The following UTP20 variants were observed in gnomAD, a reference collection of about 807,000 sequenced individuals.
UTP20 encodes small subunit processome component 20 homolog.
A neutral mutation model predicts 329.5 loss-of-function variants in UTP20; 164 were observed. That is an observed-to-expected ratio of 0.50 (90% CI 0.44 to 0.57). UTP20 has a LOEUF of 0.57. UTP20 is among the 20% of genes least tolerant of loss of function. The pLI is 0.00. For missense variants in UTP20, 3,055 were observed against 3,284.2 expected, an observed-to-expected ratio of 0.93 and a Z score of 1.71; for synonymous variants, 1,151 against 1,159.3, an observed-to-expected ratio of 0.99 and a Z score of 0.14.
At chr12:101,288,908 T>G (rs1343295147) in intron 5 of UTP20, 52 bp from the exon 6 acceptor site, 2 of 1,485,172 alleles carry the variant, frequency 1.3e-6, no homozygotes, top group Non-Finnish European at 1.9e-6. Context: ...GTAGTATGTA[T>G]TTATTACAAT....
At chr12:101,356,889 T>C in intron 42 of UTP20, 37 bp from the exon 43 acceptor site, 1 of 1,585,278 alleles carries the variant, frequency 6.3e-7, no homozygotes, top group Non-Finnish European at 8.6e-7. Context: ...TGCTTCTGTT[T>C]ATTTGATTAG....
At chr12:101,319,025 G>A (rs1347008684) in intron 22 of UTP20, among the ~76,000 whole-genome samples, 1 of 152,046 alleles carries the variant, frequency 6.6e-6, no homozygotes, top group Non-Finnish European at 1.5e-5. Flanking sequence ...CACTTCCCAC[G>A]ATTTCAGTTA....
intron 10 of UTP20, 53 bp from the exon 11 acceptor site, chr12:101,293,115 T>A: frequency 6.4e-7 from 1 of 1,553,070 alleles, no homozygotes; most frequent in Non-Finnish European, 8.9e-7. Flanking sequence ...GCTGGGGGGA[T>A]GGGGAAAATA....
intron 55 of UTP20, 83 bp from the exon 56 acceptor site, chr12:101,375,541 T>A: frequency 6.9e-7 from 1 of 1,447,404 alleles, no homozygotes; most frequent in Non-Finnish European, 9.5e-7. Flanking sequence ...CAGAAACGGG[T>A]GGATTGATGT....
chr12:101,321,097 T>G (rs1868362454), intron 24 of UTP20, among the ~76,000 whole-genome samples, 160 bp downstream of exon 24: 1 of 152,210 alleles, frequency 6.6e-6, no homozygotes, highest in African/African-American at 2.4e-5. Flanking sequence ...AGTAGTATAT[T>G]TGTTGGGTTG....
chr12:101,342,484 GT>G lies in UTP20; in HGVS notation c.4142del (p.Leu1381Ter). ...ATATTCTGGTGACAGTACAAAACTT[GT>G]TAAAGCATTGTGTGGACCCTACAAG... is the stretch of plus-strand genomic sequence containing the variant. ...VDILVTVQNL[L>X]KHCVDPTSFL... On this transcript the variant is annotated frameshift_variant, in exon 33 of 62. Coordinates refer to ENST00000261637, the MANE Select transcript of UTP20 (RefSeq NM_014503.3). LOFTEE classifies it high-confidence loss of function. The G allele has an allele frequency of 6.2e-7, 1 of 1,611,908 alleles. No individual in the cohort carries two copies.
At position 101,295,631 on chromosome 12, in the gene UTP20, C is replaced by G. The variant is rs758986812; in HGVS notation, c.1403C>G (p.Pro468Arg). Residue 468 changes from proline (P) to arginine (R), a missense_variant, in exon 12 of 62, where the codon CCT becomes CGT. Pro to Arg is a moderately radical substitution (Grantham distance 103). This residue lies in a region of UTP20 where 2,445 missense variants were observed against 2,575.5 expected (regional missense o/e 0.95). Coordinates refer to ENST00000261637, the MANE Select transcript of UTP20 (RefSeq NM_014503.3). Reference sequence around the variant, plus strand: ...GGCTCGATGGCAATTGAAAAGTACCCTCTGGTTTTCTCACCGCAGATGGTG... The same window carrying G: ...GGCTCGATGGCAATTGAAAAGTACCGTCTGGTTTTCTCACCGCAGATGGTG... ...TAGSMAIEKY[P>R]LVFSPQMVGF... 6.8e-6 allele frequency: 11 copies of G among 1,608,720 alleles called. No individual in the cohort carries two copies. Among genetic ancestry groups the G allele is most frequent in the Admixed American group, 6.7e-5 (4 of 59,672 alleles).
chr12:101,369,382 T>C (rs1870205540), intron 48 of UTP20, among the ~76,000 whole-genome samples: 1 of 152,078 alleles, frequency 6.6e-6, no homozygotes, highest in Admixed American at 6.6e-5. Context: ...CTTGGGAGGC[T>C]GAGGCAGGAG....
intron 25 of UTP20, among the ~76,000 whole-genome samples, chr12:101,324,902 G>A (rs574308363): frequency 3.9e-4 from 59 of 151,944 alleles, no homozygotes; most frequent in Non-Finnish European, 7.5e-4. Context: ...CTTGTAGAGG[G>A]AATTTTCCAT....
rs1034122544 is a variant in UTP20, at chr12:101,291,542, A to G, written c.892-200A>G. 4.5e-3 allele frequency: 694 copies of G among 155,640 alleles called. 5 individuals are homozygous for G. The highest frequency in any genetic ancestry group is 0.023 in the African/African-American group (650 of 28,030). 9.6% of individuals were successfully genotyped at this position (155,640 alleles called of 1,614,324 possible). ...GCAATAAGAGTGAAACTCCATCTCAAAAAAAAAAAAAAAAAAAAAAGACTT... is the reference window on the plus strand; with the variant it reads ...GCAATAAGAGTGAAACTCCATCTCAGAAAAAAAAAAAAAAAAAAAAGACTT... On this transcript the variant is annotated intron_variant, in intron 8 of 61. Transcript: ENST00000261637.
Position 101,327,227 on chromosome 12 carries a change from C to T in UTP20, c.3188C>T (p.Pro1063Leu), listed in dbSNP as rs747030153. The T allele has an allele frequency of 1.3e-6, 2 of 1,595,824 alleles. No homozygotes were observed. The highest frequency in any genetic ancestry group is 2.7e-5 in the African/African-American group (2 of 74,606). Residue 1063 changes from proline to leucine, a missense_variant, in exon 26 of 62, where the codon CCT becomes CTT. Physicochemically the swap from Pro to Leu is moderately conservative, Grantham distance 98 (BLOSUM62 -3). Coordinates refer to ENST00000261637, the MANE Select transcript of UTP20 (RefSeq NM_014503.3). ...IQIFLDLLFEPVRHFKNGECH... is the reference protein window; with the variant it reads ...IQIFLDLLFELVRHFKNGECH... ...ATATTCTTAGACCTGCTGTTTGAAC[C>T]TGTGAGGCATTTCAAGAATGGTAAC...
At chr12:101,346,392 T>C (rs1158126282) in intron 37 of UTP20, 59 bp from the exon 38 acceptor site, 4 of 1,512,384 alleles carry the variant, frequency 2.6e-6, no homozygotes, top group African/African-American at 1.4e-5. Flanking sequence ...GATACTAAAA[T>C]GGAGCTGGTT....
chr12:101,349,057 T>G (rs1869427301), intron 38 of UTP20, among the ~76,000 whole-genome samples: 1 of 152,148 alleles, frequency 6.6e-6, no homozygotes, highest in Non-Finnish European at 1.5e-5. Flanking sequence ...TTCCTTCCAG[T>G]ACTTTAAAGA....
rs781316396 is a variant in UTP20 at position 101,308,333 on chromosome 12, C to G, written c.2144C>G (p.Pro715Arg). The G allele has an allele frequency of 1.3e-6, 2 of 1,516,122 alleles. No individual in the cohort carries two copies. Among genetic ancestry groups the G allele is most frequent in the Non-Finnish European group, 1.8e-6 (2 of 1,131,558 alleles). The allele number at this position is 1,516,122 out of a possible 1,614,324, so 93.9% of individuals were successfully genotyped here. Reference protein sequence around the residue: ...DVVQTAVPDGPLQEVPLRYLL... With the variant: ...DVVQTAVPDGRLQEVPLRYLL... ...GTACAGACTGCTGTCCCTGATGGGC[C>G]GTTACAGGAGGTAAAAATAGTGTTC... Residue 715 changes from proline (P) to arginine (R), a missense_variant, in exon 18 of 62, where the codon CCG (proline) becomes CGG (arginine). Transcript: ENST00000261637.
intron 58 of UTP20, among the ~76,000 whole-genome samples, 189 bp from the exon 59 acceptor site, chr12:101,382,852 T>TA (rs541190674): frequency 0.021 from 2,786 of 133,496 alleles, 31 homozygotes; most frequent in East Asian, 0.073. Flanking sequence ...GCTCTGTCTT[T>TA]AAAAAAAAAA....
intron 38 of UTP20, among the ~76,000 whole-genome samples, chr12:101,349,587 C>T (rs990063746): frequency 2.0e-5 from 3 of 151,866 alleles, no homozygotes; most frequent in South Asian, 2.1e-4. Flanking sequence ...TACAGGCATA[C>T]GCCTTGACTC....
intron 43 of UTP20, 65 bp from the exon 44 acceptor site, chr12:101,361,897 A>C: frequency 4.6e-6 from 6 of 1,294,582 alleles, no homozygotes; most frequent in East Asian, 2.3e-5. Flanking sequence ...AGTGCTTCCT[A>C]GATCTTATGT....
intron 48 of UTP20, among the ~76,000 whole-genome samples, chr12:101,368,313 A>C: frequency 6.6e-6 from 1 of 151,844 alleles, no homozygotes; most frequent in Non-Finnish European, 1.5e-5. Context: ...TTGTATTTTT[A>C]GTAGACACGG....
At chr12:101,375,162 A>G (rs1267617675) in intron 55 of UTP20, among the ~76,000 whole-genome samples, 4 of 152,110 alleles carry the variant, frequency 2.6e-5, no homozygotes, top group African/African-American at 9.7e-5. Context: ...ATAGCCAGGC[A>G]TGGTAGCGCA....
Sources: allele counts gnomAD v4.1 joint callset (sites outside exome capture counted in the v4.1 genomes callset), GRCh38; gene constraint gnomAD v4.1.1; regional missense constraint gnomAD v4.1.1; transcripts MANE v1.5; gene names NCBI Gene and HGNC (gene_info 2026-07-23, HGNC 2026-07-21).